Variants in SLIT3 observed in about 807,000 individuals in gnomAD.
The protein encoded by SLIT3 is slit guidance ligand 3, also known as slit homolog 3 protein.
A neutral mutation model predicts 184.0 loss-of-function variants in SLIT3; 68 were observed. That is an observed-to-expected ratio of 0.37 (90% CI 0.30 to 0.45). The LOEUF is 0.45. Ranked by LOEUF, SLIT3 falls within the 20% of genes least tolerant of loss-of-function variation. The pLI, the probability that SLIT3 is intolerant of heterozygous loss-of-function variation, is 1.00. For synonymous variants in SLIT3, 831 were observed against 828.6 expected (o/e 1.00, Z -0.05); for missense variants, 1,707 against 2,026.0 (o/e 0.84, Z 3.02).
At chr5:168,694,915 G>GC (rs1236961629) in intron 28 of SLIT3, among the ~76,000 whole-genome samples, 2 of 152,190 alleles carry the variant, frequency 1.3e-5, no homozygotes, top group Non-Finnish European at 2.9e-5. Context: ...CACTGCATCC[G>GC]CCCCCACAGC....
intron 4 of SLIT3, among the ~76,000 whole-genome samples, chr5:168,891,046 A>G (rs936697809): frequency 3.3e-5 from 5 of 152,374 alleles, no homozygotes; most frequent in Admixed American, 2.6e-4. Context: ...TGGGATAGGC[A>G]TCAGAGATAA....
chr5:169,067,166 T>C (rs1000419646), intron 4 of SLIT3, among the ~76,000 whole-genome samples: 6 of 152,074 alleles, frequency 3.9e-5, no homozygotes, highest in African/African-American at 1.4e-4. Context: ...TCCCAGCACT[T>C]TGGGAGGCTG....
intron 4 of SLIT3, among the ~76,000 whole-genome samples, chr5:168,890,137 TAAAAA>T (rs56267999): frequency 1.0e-5 from 1 of 98,682 alleles, no homozygotes; most frequent in African/African-American, 4.1e-5. Context: ...AGACTCCATC[TAAAAA>T]AAAAAAAAAA....
At chr5:168,945,218 G>A (rs1762434609) in intron 4 of SLIT3, among the ~76,000 whole-genome samples, 2 of 151,452 alleles carry the variant, frequency 1.3e-5, no homozygotes, top group Non-Finnish European at 2.9e-5. Flanking sequence ...ACCAAAGGAA[G>A]ATCAAAAGCT....
intron 1 of SLIT3, among the ~76,000 whole-genome samples, chr5:169,255,658 C>T (rs1243242277): frequency 6.6e-6 from 1 of 152,066 alleles, no homozygotes; most frequent in Admixed American, 6.6e-5. Context: ...CCAAGCCGGG[C>T]GGATCACAAG....
At chr5:168,699,467 T>C (rs1398304423) in intron 27 of SLIT3, among the ~76,000 whole-genome samples, 1 of 152,230 alleles carries the variant, frequency 6.6e-6, no homozygotes, top group African/African-American at 2.4e-5. Context: ...AACAGTCTGC[T>C]TTGGTCAGAG....
intron 19 of SLIT3, among the ~76,000 whole-genome samples, chr5:168,749,155 T>C (rs1408122047): frequency 1.3e-5 from 2 of 152,234 alleles, no homozygotes; most frequent in Non-Finnish European, 2.9e-5. Flanking sequence ...TAGATGAGTA[T>C]ATTTGGTACA....
intron 16 of SLIT3, among the ~76,000 whole-genome samples, chr5:168,759,501 AT>A (rs1755066612): frequency 6.6e-6 from 1 of 152,208 alleles, no homozygotes; most frequent in African/African-American, 2.4e-5. Context: ...CTTCGGCAGT[AT>A]GTCTGGGGGG....
In SLIT3 at chr5:168,868,227, T is replaced by A. The variant is rs79747855; in HGVS notation, c.485+15038A>T. 7.2e-5 allele frequency among the ~76,000 whole-genome samples: 11 copies of A among 152,282 alleles called. No individual in the cohort carries two copies. The East Asian group carries it at 2.1e-3, about 29-fold the overall frequency. On this transcript the variant is annotated intron_variant, in intron 5 of 35. Transcript: ENST00000519560. ...ATGAGGGTGCAGAATACTAACATTGTATTTATTGAGCACCTACTTTGTGCC... is the reference window on the plus strand; with the variant it reads ...ATGAGGGTGCAGAATACTAACATTGAATTTATTGAGCACCTACTTTGTGCC...
chr5:169,214,992 T>G (rs1764389496), intron 3 of SLIT3, among the ~76,000 whole-genome samples: 1 of 152,176 alleles, frequency 6.6e-6, no homozygotes, highest in African/African-American at 2.4e-5. Flanking sequence ...CCTCCTTGCC[T>G]CCAGTCTCGC....
intron 3 of SLIT3, among the ~76,000 whole-genome samples, chr5:169,234,169 G>C (rs1765108934): frequency 6.6e-6 from 1 of 152,246 alleles, no homozygotes; most frequent in South Asian, 2.1e-4. Context: ...ATTCAGGTCA[G>C]CAGGGGCCCT....
chr5:169,074,777 C>A (rs1321866047), intron 4 of SLIT3, among the ~76,000 whole-genome samples: 1 of 152,264 alleles, frequency 6.6e-6, no homozygotes, highest in African/African-American at 2.4e-5. Context: ...CAAACTGTGG[C>A]CGTGGCCTTG....
intron 1 of SLIT3, among the ~76,000 whole-genome samples, chr5:169,269,287 C>T (rs999621813): frequency 6.6e-6 from 1 of 152,384 alleles, no homozygotes; most frequent in East Asian, 1.9e-4. Flanking sequence ...TATACCAACT[C>T]TTGTTGACTC....
At chr5:168,802,763 T>C (rs1214982954) in intron 9 of SLIT3, among the ~76,000 whole-genome samples, 1 of 152,236 alleles carries the variant, frequency 6.6e-6, no homozygotes, top group Non-Finnish European at 1.5e-5. Flanking sequence ...ATAGTTGTAG[T>C]AGTTGCCAGT....
At chr5:168,866,355 G>T (rs1759301141) in intron 5 of SLIT3, among the ~76,000 whole-genome samples, 1 of 152,272 alleles carries the variant, frequency 6.6e-6, no homozygotes, top group Non-Finnish European at 1.5e-5. Flanking sequence ...TCCACATGAG[G>T]CCCTCCCACA....
chr5:169,297,962 C>T (rs971527833), intron 1 of SLIT3, among the ~76,000 whole-genome samples: 4 of 152,174 alleles, frequency 2.6e-5, no homozygotes, highest in Admixed American at 2.0e-4. Flanking sequence ...TGAAGAAATC[C>T]TTGGCAGAGA....
At chr5:168,931,219 C>CGCAT (rs1761978847) in intron 4 of SLIT3, among the ~76,000 whole-genome samples, 1 of 152,202 alleles carries the variant, frequency 6.6e-6, no homozygotes, top group South Asian at 2.1e-4. Flanking sequence ...AGAGAAAGAA[C>CGCAT]GCATTTAATT....
At chr5:168,673,880 A>T (rs1477676111) in intron 32 of SLIT3, among the ~76,000 whole-genome samples, 1 of 144,992 alleles carries the variant, frequency 6.9e-6, no homozygotes, top group Non-Finnish European at 1.5e-5. Context: ...AGTTAAGCAA[A>T]CTCCATTCCC....
At chr5:169,167,555 C>T (rs1762680970) in intron 4 of SLIT3, among the ~76,000 whole-genome samples, 1 of 152,084 alleles carries the variant, frequency 6.6e-6, no homozygotes, top group Admixed American at 6.5e-5. Context: ...GGATTACAGG[C>T]TTGAGCCACC....
Sources: gnomAD v4.1 joint callset for allele counts (sites outside exome capture counted in the v4.1 genomes callset) on GRCh38, gnomAD v4.1.1 for gene constraint, MANE v1.5 for transcripts, NCBI Gene and HGNC (gene_info 2026-07-23, HGNC 2026-07-21) for gene names.